CDKL5: variants seen among roughly 807,000 people sequenced by gnomAD.
The protein encoded by CDKL5 is cyclin-dependent kinase-like 5.
In CDKL5, 8 loss-of-function variants were observed where a neutral mutation model predicts 61.7. That is an observed-to-expected ratio of 0.13 (90% CI 0.08 to 0.23). The LOEUF is 0.23. CDKL5 is among the 10% of genes least tolerant of loss of function. CDKL5 has a pLI of 1.00. For synonymous variants in CDKL5, 275 were observed against 272.3 expected (o/e 1.01, Z -0.10); for missense variants, 440 against 734.5 (o/e 0.60, Z 4.63).
At chrX:18,627,513 C>CA (rs1392096601) in intron 17 of CDKL5, 1 of 111,007 alleles carries the variant, frequency 9.0e-6, no homozygotes, top group African/African-American at 3.3e-5. Context: ...AGCCATCTTT[C>CA]ATCGTTCAGG....
intron 3 of CDKL5, among the ~76,000 whole-genome samples, chrX:18,517,176 T>G (rs960743713): frequency 8.9e-6 from 1 of 111,949 alleles, no homozygotes; most frequent in East Asian, 2.8e-4. Flanking sequence ...ATGTTACAAT[T>G]AGTATTACCT....
intron 1 of CDKL5, among the ~76,000 whole-genome samples, chrX:18,425,984 T>A (rs1931354995): frequency 9.0e-6 from 1 of 110,545 alleles, no homozygotes; most frequent in African/African-American, 3.3e-5. Flanking sequence ...GGGCGGCGGG[T>A]CGAGCCCGCC....
chrX:18,469,880 A>G (rs1487230011), intron 1 of CDKL5, among the ~76,000 whole-genome samples: 1 of 112,167 alleles, frequency 8.9e-6, no homozygotes, highest in African/African-American at 3.2e-5. Context: ...CAAATCCCCA[A>G]ATGACAAATT....
intron 2 of CDKL5, among the ~76,000 whole-genome samples, chrX:18,509,246 C>CACACACACACACACACACACACACA (rs1555940191): frequency 1.0e-5 from 1 of 97,242 alleles, no homozygotes; most frequent in Non-Finnish European, 2.1e-5. Flanking sequence ...CACACACACA[C>CACACACACACACACACACACACACA]CCCTGTCAAG....
At chrX:18,642,314 G>T (rs1927614864), downstream of CDKL5, among the ~76,000 whole-genome samples, 1 of 112,031 alleles carries the variant, frequency 8.9e-6, no homozygotes. Flanking sequence ...TTGAGTGATT[G>T]TCATCACACC....
chrX:18,556,882 CA>C (rs67362338), intron 3 of CDKL5, among the ~76,000 whole-genome samples: 195 of 44,938 alleles, frequency 4.3e-3, no homozygotes, highest in African/African-American at 0.02. Flanking sequence ...GACTCCGTCT[CA>C]AAAAAAAAAA....
chrX:18,629,677 A>T lies in CDKL5; in HGVS notation c.*920A>T. ...CTCTAGACATGATCCTTGGTAGCAG[A>T]CGAGATGCAGCATCTCTTTCCAAAC... is the stretch of plus-strand genomic sequence containing the variant. On this transcript the variant is annotated 3_prime_UTR_variant, in exon 18 of 18. Coordinates refer to ENST00000623535, the MANE Select transcript of CDKL5 (RefSeq NM_001323289.2). The T allele has an allele frequency of 1.3e-6, 1 of 754,044 alleles. No individual in the cohort carries two copies. The highest frequency in any genetic ancestry group is 1.6e-6 in the Non-Finnish European group (1 of 639,263). The allele number at this position is 754,044 out of a possible 1,213,427, so 62.1% of individuals were successfully genotyped here.
intron 1 of CDKL5, among the ~76,000 whole-genome samples, chrX:18,466,124 A>T (rs1025339692): frequency 9.0e-6 from 1 of 111,338 alleles, no homozygotes; most frequent in Non-Finnish European, 1.9e-5. Context: ...CATTCCTAGC[A>T]CTCATTTTTG....
At chrX:18,466,508 G>A (rs1295365213) in intron 1 of CDKL5, among the ~76,000 whole-genome samples, 1 of 111,125 alleles carries the variant, frequency 9.0e-6, no homozygotes, top group Non-Finnish European at 1.9e-5. Flanking sequence ...TGTCTCTGAT[G>A]TGCTCATTTT....
chrX:18,525,770 G>A (rs1255100716), intron 3 of CDKL5, among the ~76,000 whole-genome samples: 1 of 86,176 alleles, frequency 1.2e-5, no homozygotes, highest in Middle Eastern at 6.6e-3. Flanking sequence ...TTTTTTAATT[G>A]GAGTCTCACT....
intron 15 of CDKL5, among the ~76,000 whole-genome samples, chrX:18,613,725 G>A (rs944199462): frequency 9.0e-6 from 1 of 111,341 alleles, no homozygotes; most frequent in African/African-American, 3.3e-5. Context: ...CATGGAGAAG[G>A]GAGCCAGGGT....
chrX:18,539,127 A>T (rs1001831805), intron 3 of CDKL5, among the ~76,000 whole-genome samples: 12 of 110,951 alleles, frequency 1.1e-4, no homozygotes, highest in Non-Finnish European at 2.1e-4. Flanking sequence ...TTTTATCTTT[A>T]CCAGTCTTGC....
rs1441696521 is a variant in CDKL5, at chrX:18,631,865, G to C, written c.*3108G>C. ...GAGTGCTTCATGCTGAGGGGCTCAA[G>C]TGAGCTGACTCTACAACTGTGGTTC... On this transcript the variant is annotated 3_prime_UTR_variant, in exon 18 of 18. Coordinates refer to ENST00000623535, the MANE Select transcript of CDKL5 (RefSeq NM_001323289.2). 9.3e-5 allele frequency: 70 copies of C among 752,400 alleles called. No homozygotes were observed. Among genetic ancestry groups the C allele is most frequent in the Middle Eastern group, 7.5e-4 (1 of 1,341 alleles). 62.0% of individuals were successfully genotyped at this position (752,400 alleles called of 1,213,427 possible).
At position 18,427,969 on chromosome X, in the gene CDKL5, A is replaced by G. The variant is rs182711431; in HGVS notation, c.-163+2274A>G. Among the ~76,000 whole-genome samples the G allele has an allele frequency of 1.5e-4, 17 of 111,914 alleles. 1 individual carries two copies. The highest frequency in any genetic ancestry group is 1.4e-3 in the Admixed American group (15 of 10,436). On this transcript the variant is annotated intron_variant, in intron 1 of 17. Coordinates refer to ENST00000623535, the MANE Select transcript of CDKL5 (RefSeq NM_001323289.2). ...TGGGGTTTTAAAAGGAAAGGCTCCC[A>G]TTGAAAGAAATTGCAGGGCCGTCTC... is the stretch of plus-strand genomic sequence containing the variant.
intron 3 of CDKL5, among the ~76,000 whole-genome samples, chrX:18,542,366 G>A (rs981402452): frequency 8.9e-6 from 1 of 111,748 alleles, no homozygotes; most frequent in Non-Finnish European, 1.9e-5. Context: ...GCATGGGTAG[G>A]GCCCCAGTTT....
At chrX:18,538,723 T>G (rs1923925855) in intron 3 of CDKL5, among the ~76,000 whole-genome samples, 1 of 111,707 alleles carries the variant, frequency 9.0e-6, no homozygotes. Flanking sequence ...CAGTGAAAAA[T>G]CAGTTGGGCA....
At chrX:18,609,320 G>T in intron 13 of CDKL5, 145 bp from the exon 14 acceptor site, 1 of 1,017,414 alleles carries the variant, frequency 9.8e-7, no homozygotes, top group South Asian at 2.2e-5. Flanking sequence ...CTTGAACTGG[G>T]GCAGTCAAGG....
intron 3 of CDKL5, among the ~76,000 whole-genome samples, chrX:18,511,877 C>G (rs1261773150): frequency 9.0e-6 from 1 of 111,623 alleles, no homozygotes; most frequent in Admixed American, 9.5e-5. Context: ...CATGTAGACC[C>G]ATTAACTTAG....
In CDKL5 at chrX:18,472,955, A is replaced by T. The variant is rs900936562; in HGVS notation, c.-162-33980A>T. On this transcript the variant is annotated intron_variant, in intron 1 of 17. Coordinates refer to ENST00000623535, the MANE Select transcript of CDKL5 (RefSeq NM_001323289.2). ...CTCTAGGGTTGGAGAATCTCTTCTAATTTTTTTTTTTTTTTTTTGAGACAG... is the reference window on the plus strand; with the variant it reads ...CTCTAGGGTTGGAGAATCTCTTCTATTTTTTTTTTTTTTTTTTTGAGACAG... Among the ~76,000 whole-genome samples, 29 of 92,820 alleles carry T rather than the reference A, an allele frequency of 3.1e-4. No individual in the cohort carries two copies. In the East Asian group the frequency reaches 8.6e-3, roughly 28 times the overall value. 80.6% of individuals were successfully genotyped at this position (92,820 alleles called of 115,157 possible).
Sources: gnomAD v4.1 joint callset for allele counts (sites outside exome capture counted in the v4.1 genomes callset) on GRCh38, gnomAD v4.1.1 for gene constraint, MANE v1.5 for transcripts, NCBI Gene and HGNC (gene_info 2026-07-23, HGNC 2026-07-21) for gene names.